The following KCNT2 variants were observed in gnomAD, a reference collection of about 807,000 sequenced individuals.
The protein encoded by KCNT2 is potassium sodium-activated channel subfamily T member 2.
A neutral mutation model predicts 153.8 loss-of-function variants in KCNT2; 67 were observed. The observed-to-expected ratio is 0.44, with a 90% CI of 0.36 to 0.53. KCNT2 has a LOEUF of 0.53. KCNT2 is among the 20% of genes least tolerant of loss of function. The pLI, the probability that KCNT2 is intolerant of heterozygous loss-of-function variation, is 0.00. For synonymous variants in KCNT2, 500 were observed against 458.8 expected (o/e 1.09, Z -1.15); for missense variants, 975 against 1,354.8 (o/e 0.72, Z 4.40).
intron 21 of KCNT2, among the ~76,000 whole-genome samples, chr1:196,308,528 T>A (rs536143634): frequency 4.6e-5 from 7 of 152,202 alleles, no homozygotes; most frequent in Admixed American, 3.9e-4. Flanking sequence ...TTTATCTCTA[T>A]CTGCCTGACT....
At chr1:196,259,440 C>T (rs972488344) in intron 25 of KCNT2, 2 of 152,050 alleles carry the variant, frequency 1.3e-5, no homozygotes, top group Non-Finnish European at 2.9e-5. Context: ...CATGCACATG[C>T]AAATGAACAA....
chr1:196,449,454 C>T (rs1256856067), intron 8 of KCNT2, among the ~76,000 whole-genome samples: 1 of 151,546 alleles, frequency 6.6e-6, no homozygotes, highest in African/African-American at 2.4e-5. Context: ...ATCAGAAATA[C>T]TCTATATAAT....
intron 1 of KCNT2, among the ~76,000 whole-genome samples, chr1:196,526,128 A>G (rs1448374011): frequency 1.3e-5 from 2 of 151,986 alleles, no homozygotes; most frequent in Non-Finnish European, 2.9e-5. Flanking sequence ...CATTTGAGGA[A>G]CAGACAAGAA....
At chr1:196,244,805 G>T (rs1366103077) in intron 26 of KCNT2, among the ~76,000 whole-genome samples, 1 of 152,056 alleles carries the variant, frequency 6.6e-6, no homozygotes, top group Non-Finnish European at 1.5e-5. Context: ...AAAAAGATGG[G>T]CTGGTTTTGC....
At chr1:196,271,267 A>T (rs547837325) in intron 25 of KCNT2, among the ~76,000 whole-genome samples, 22 of 152,178 alleles carry the variant, frequency 1.4e-4, no homozygotes, top group African/African-American at 5.1e-4. Flanking sequence ...CTTACAGATC[A>T]TGACTTCCTT....
At chr1:196,245,788 G>T (rs532689399) in intron 26 of KCNT2, among the ~76,000 whole-genome samples, 4 of 152,102 alleles carry the variant, frequency 2.6e-5, no homozygotes, top group Non-Finnish European at 5.9e-5. Context: ...CTATATGAAA[G>T]TACGGTCAGA....
chr1:196,375,140 G>C (rs1459151306), intron 13 of KCNT2, among the ~76,000 whole-genome samples: 3 of 151,760 alleles, frequency 2.0e-5, no homozygotes, highest in Non-Finnish European at 3.0e-5. Context: ...GTGCATCTGA[G>C]TTTGGGGGGC....
chr1:196,297,550 A>G (rs1660788543), intron 22 of KCNT2, among the ~76,000 whole-genome samples: 1 of 152,158 alleles, frequency 6.6e-6, no homozygotes, highest in Non-Finnish European at 1.5e-5. Flanking sequence ...ATACATTAAG[A>G]TTGTTATCCA....
At chr1:196,278,715 C>T (rs1658810016) in intron 25 of KCNT2, among the ~76,000 whole-genome samples, 1 of 152,104 alleles carries the variant, frequency 6.6e-6, no homozygotes, top group Non-Finnish European at 1.5e-5. Flanking sequence ...TACTGCATTA[C>T]AATTCCCAAA....
intron 8 of KCNT2, among the ~76,000 whole-genome samples, chr1:196,436,312 T>C (rs1478594973): frequency 2.6e-5 from 4 of 151,628 alleles, no homozygotes; most frequent in East Asian, 1.9e-4. Flanking sequence ...TATCTTTATA[T>C]ATAAACTATC....
chr1:196,459,458 TG>T (rs951330034), intron 8 of KCNT2, among the ~76,000 whole-genome samples: 18 of 151,476 alleles, frequency 1.2e-4, no homozygotes, highest in African/African-American at 4.3e-4. Flanking sequence ...TAAACAATAA[TG>T]GGAAGAGAAA....
chr1:196,243,896 C>T (rs1655182668), intron 26 of KCNT2, among the ~76,000 whole-genome samples: 1 of 151,980 alleles, frequency 6.6e-6, no homozygotes, highest in Admixed American at 6.6e-5. Flanking sequence ...CACCCCTCCC[C>T]CAAACCCAGG....
At chr1:196,379,242 T>A (rs904427241) in intron 13 of KCNT2, among the ~76,000 whole-genome samples, 9 of 152,170 alleles carry the variant, frequency 5.9e-5, no homozygotes, top group African/African-American at 1.9e-4. Flanking sequence ...AGCTTCTAAT[T>A]CCCCTCCTTT....
intron 11 of KCNT2, among the ~76,000 whole-genome samples, chr1:196,424,065 A>T (rs1211322656): frequency 6.6e-6 from 1 of 151,896 alleles, no homozygotes; most frequent in Non-Finnish European, 1.5e-5. Context: ...TTGTTTTTTT[A>T]AATAGCTTTT....
chr1:196,501,169 A>T (rs1297792117), intron 1 of KCNT2, among the ~76,000 whole-genome samples: 1 of 152,220 alleles, frequency 6.6e-6, no homozygotes, highest in Non-Finnish European at 1.5e-5. Flanking sequence ...TGAAAATCAA[A>T]CTACCATTCA....
chr1:196,306,986 T>C (rs1661692988), intron 21 of KCNT2, among the ~76,000 whole-genome samples: 2 of 152,102 alleles, frequency 1.3e-5, no homozygotes, highest in Non-Finnish European at 2.9e-5. Flanking sequence ...ACTGTAGTTA[T>C]TGATTCAGGT....
chr1:196,492,148 A>T, intron 2 of KCNT2, 114 bp downstream of exon 2: 1 of 1,104,302 alleles, frequency 9.1e-7, no homozygotes, highest in Non-Finnish European at 1.2e-6. Flanking sequence ...CCTGCTGGAA[A>T]AAATAACCAA....
At chr1:196,245,666 G>T (rs983468502) in intron 26 of KCNT2, among the ~76,000 whole-genome samples, 10 of 152,048 alleles carry the variant, frequency 6.6e-5, no homozygotes, top group Non-Finnish European at 1.0e-4. Flanking sequence ...TAACAAAGAG[G>T]TTGAACTAAT....
chr1:196,258,446 T>C lies in KCNT2; in HGVS notation c.2959A>G (p.Lys987Glu), dbSNP rs772564978. ...TTGCTGCGGTGGTGCCCTTGTTCTT[T>C]GGAGTCTTTGGTGTCTTCCCACTCT... ...VEEWEDTKDSKEQGHHRSNHR... is the reference protein window; with the variant it reads ...VEEWEDTKDSEEQGHHRSNHR... Residue 987 changes from lysine (K) to glutamate (E), a missense_variant, in exon 26 of 28, where the codon AAA becomes GAA. Coordinates refer to ENST00000294725, the MANE Select transcript of KCNT2 (RefSeq NM_198503.5). The C allele has an allele frequency of 6.2e-7, 1 of 1,613,754 alleles. No individual in the cohort carries two copies. The highest frequency in any genetic ancestry group is 8.5e-7 in the Non-Finnish European group (1 of 1,179,912).
Sources: allele counts gnomAD v4.1 joint callset (sites outside exome capture counted in the v4.1 genomes callset), GRCh38; gene constraint gnomAD v4.1.1; transcripts MANE v1.5; gene names NCBI Gene and HGNC (gene_info 2026-07-23, HGNC 2026-07-21).